Variants in REV3L observed in about 807,000 individuals in gnomAD.
REV3L encodes REV3 like, DNA directed polymerase zeta catalytic subunit.
A neutral mutation model predicts 299.4 loss-of-function variants in REV3L; 69 were observed. That is an observed-to-expected ratio of 0.23 (90% CI 0.19 to 0.28). The LOEUF (loss-of-function observed/expected upper bound fraction) is 0.28. Among genes scored for constraint, REV3L ranks in the 10% least tolerant of loss-of-function variants. REV3L has a pLI of 1.00. For synonymous variants in REV3L, 1,238 were observed against 1,271.4 expected (o/e 0.97, Z 0.56); for missense variants, 3,128 against 3,693.8 (o/e 0.85, Z 3.97).
rs34784312 is a variant in REV3L at position 111,324,915 on chromosome 6, A to G, written c.8242-2237T>C. Reference sequence around the variant, plus strand: ...CTCACTCTGTCGCCCAGGCTGGAGTACAGTGGCGCAATCTCGGCTCACTGC... The same window carrying G: ...CTCACTCTGTCGCCCAGGCTGGAGTGCAGTGGCGCAATCTCGGCTCACTGC... On this transcript the variant is annotated intron_variant, in intron 25 of 31. Transcript: ENST00000368802. Among the ~76,000 whole-genome samples, 817 of 151,438 alleles carry G rather than the reference A, an allele frequency of 5.4e-3. 5 individuals carry two copies. The highest frequency in any genetic ancestry group is 0.027 in the Middle Eastern group (8 of 292).
At chr6:111,462,467 T>C (rs1409982186) in intron 1 of REV3L, among the ~76,000 whole-genome samples, 2 of 151,996 alleles carry the variant, frequency 1.3e-5, no homozygotes, top group South Asian at 4.1e-4. Flanking sequence ...AAAAAACTGA[T>C]AGAACTGGAA....
At chr6:111,360,470 CTT>C (rs71021836) in intron 16 of REV3L, among the ~76,000 whole-genome samples, 25 of 129,542 alleles carry the variant, frequency 1.9e-4, no homozygotes, top group Non-Finnish European at 3.2e-4. Flanking sequence ...GTTAAATAAT[CTT>C]TTTTTTTTTT....
chr6:111,376,870 G>T, intron 12 of REV3L, 113 bp from the exon 13 acceptor site: 1 of 821,830 alleles, frequency 1.2e-6, no homozygotes, highest in Non-Finnish European at 1.8e-6. Context: ...ATCAAATTAA[G>T]TTTGGTTATC....
chr6:111,403,381 T>C (rs907977120), intron 4 of REV3L, among the ~76,000 whole-genome samples: 2 of 152,240 alleles, frequency 1.3e-5, no homozygotes, highest in Admixed American at 1.3e-4. Flanking sequence ...ATTTTGCAGA[T>C]ATTAAAATTT....
At chr6:111,353,600 T>C (rs1777794134) in intron 18 of REV3L, 2 of 152,224 alleles carry the variant, frequency 1.3e-5, no homozygotes, top group South Asian at 4.1e-4. Flanking sequence ...AAACATATTA[T>C]TTATGTGCTT....
rs559136793 is a variant in REV3L at position 111,308,545 on chromosome 6, A to G, written c.9043-975T>C. On this transcript the variant is annotated intron_variant, in intron 30 of 31. Coordinates refer to ENST00000368802, the MANE Select transcript of REV3L (RefSeq NM_001372078.1). ...ACAGAAGGCATATCATTTTCGCACC[A>G]TCGTTAAGTAGAAAAATCTTAAGTT... is the stretch of plus-strand genomic sequence containing the variant. 1.1e-4 allele frequency among the ~76,000 whole-genome samples: 17 copies of G among 152,330 alleles called. No individual in the cohort carries two copies. The South Asian group carries it at 1.2e-3, about 11-fold the overall frequency.
At chr6:111,365,431 A>C (rs1779093049) in intron 14 of REV3L, 87 bp from the exon 15 acceptor site, 1 of 637,252 alleles carries the variant, frequency 1.6e-6, no homozygotes, top group Admixed American at 3.6e-5. Flanking sequence ...CCAAACACTT[A>C]AGTACCACTT....
At chr6:111,431,109 C>A in intron 1 of REV3L, 1 of 1,506,168 alleles carries the variant, frequency 6.6e-7, no homozygotes, top group Non-Finnish European at 9.2e-7. Flanking sequence ...CTGATTTAAT[C>A]TATTCAACCT....
chr6:111,416,407 C>T lies in REV3L; in HGVS notation c.205G>A (p.Gly69Arg). ...GAAAGATAGCTTTCTGGCTGCTGTC[C>T]ATAACCATCGTATGGCACATAGAGG... ...PYLYVPYDGY[G>R]QQPESYLSQM... The change falls in exon 2 of 32, where the codon GGA becomes AGA. Residue 69 changes from glycine to arginine, a missense_variant. This residue lies in a region of REV3L where 2,409 missense variants were observed against 2,611.8 expected (regional missense o/e 0.92). Coordinates refer to ENST00000368802, the MANE Select transcript of REV3L (RefSeq NM_001372078.1). 2 of 1,613,866 alleles carry T rather than the reference C, an allele frequency of 1.2e-6. No homozygotes were observed. Among genetic ancestry groups the T allele is most frequent in the Non-Finnish European group, 1.7e-6 (2 of 1,179,828 alleles).
intron 21 of REV3L, 38 bp from the exon 22 acceptor site, chr6:111,335,648 A>G: frequency 6.3e-7 from 1 of 1,578,644 alleles, no homozygotes; most frequent in Non-Finnish European, 8.6e-7. Flanking sequence ...CATCAGGGAA[A>G]AATTTGGACA....
chr6:111,321,048 A>C (rs1003566862), intron 26 of REV3L, among the ~76,000 whole-genome samples: 1 of 152,200 alleles, frequency 6.6e-6, no homozygotes, highest in Non-Finnish European at 1.5e-5. Context: ...ATAACTATAA[A>C]ATCTGATGTA....
chr6:111,394,215 T>C (rs1739072652), intron 4 of REV3L, among the ~76,000 whole-genome samples: 1 of 152,230 alleles, frequency 6.6e-6, no homozygotes, highest in Non-Finnish European at 1.5e-5. Flanking sequence ...GAAACCTCCA[T>C]ACTGTTTTGC....
chr6:111,349,208 AATCACCC>A lies in REV3L; in HGVS notation c.7419+3_7419+9del. On this transcript the variant is annotated splice_donor_5th_base_variant and intron_variant, in intron 20 of 31. Transcript: ENST00000368802. The stretch of plus-strand genomic sequence containing the variant: ...TTATTTCTAAACAACATTTTGGATA[AATCACCC>A]ACCTCATTTCTCATGATTCTCCAAA... 1 of 1,327,190 alleles carries A rather than the reference AATCACCC, an allele frequency of 7.5e-7. No individual in the cohort carries two copies. Among genetic ancestry groups the A allele is most frequent in the Non-Finnish European group, 1.1e-6 (1 of 923,046 alleles). 82.2% of individuals were successfully genotyped at this position (1,327,190 alleles called of 1,614,324 possible).
At chr6:111,418,570 A>G (rs1298994419) in intron 1 of REV3L, among the ~76,000 whole-genome samples, 1 of 152,194 alleles carries the variant, frequency 6.6e-6, no homozygotes, top group African/African-American at 2.4e-5. Flanking sequence ...ATGTATTTCT[A>G]ATTAGGATAA....
intron 31 of REV3L, among the ~76,000 whole-genome samples, chr6:111,303,229 T>G (rs1326618585): frequency 7.0e-6 from 1 of 141,972 alleles, no homozygotes; most frequent in East Asian, 2.1e-4. Flanking sequence ...TGGAGTGCAG[T>G]GGCATGATCT....
intron 26 of REV3L, among the ~76,000 whole-genome samples, chr6:111,320,314 C>T (rs1774005672): frequency 6.6e-6 from 1 of 152,224 alleles, no homozygotes; most frequent in African/African-American, 2.4e-5. Flanking sequence ...GATCTGCCTG[C>T]CTTGGCCTCC....
chr6:111,422,680 G>GTGTA (rs1554228769), intron 1 of REV3L, among the ~76,000 whole-genome samples: 153 of 11,216 alleles, frequency 0.014, 35 homozygotes, highest in Non-Finnish European at 0.045. Context: ...ATATATATAC[G>GTGTA]TATATATATA....
chr6:111,320,069 C>A (rs149500493), intron 26 of REV3L, among the ~76,000 whole-genome samples: 2,027 of 145,774 alleles, frequency 0.014, 37 homozygotes, highest in African/African-American at 0.049. Context: ...AGCCACTGCA[C>A]CTGGCCTTTT....
At chr6:111,431,853 A>G (rs1040625600) in intron 1 of REV3L, 3 of 509,524 alleles carry the variant, frequency 5.9e-6, no homozygotes, top group African/African-American at 2.0e-5. Flanking sequence ...GCTTTTTAGA[A>G]TATGTTAAAT....
Sources: allele counts gnomAD v4.1 joint callset (sites outside exome capture counted in the v4.1 genomes callset), GRCh38; gene constraint gnomAD v4.1.1; regional missense constraint gnomAD v4.1.1; transcripts MANE v1.5; gene names NCBI Gene and HGNC (gene_info 2026-07-23, HGNC 2026-07-21).